Variants in JARID2 observed in about 807,000 individuals in gnomAD.
JARID2 encodes the protein jumonji and AT-rich interaction domain containing 2, also known as protein Jumonji.
A neutral mutation model predicts 125.6 loss-of-function variants in JARID2; 21 were observed. The observed-to-expected ratio is 0.17, with a 90% CI of 0.12 to 0.24. The LOEUF (loss-of-function observed/expected upper bound fraction) is 0.24, where lower values mean the gene tolerates loss of function less well. Among genes scored for constraint, JARID2 ranks in the 10% least tolerant of loss-of-function variants. The pLI, the probability that JARID2 is intolerant of heterozygous loss-of-function variation, is 1.00. For missense variants in JARID2, 1,303 were observed against 1,639.6 expected (o/e 0.79, Z 3.55); for synonymous variants, 736 against 661.6 (o/e 1.11, Z -1.73).
At chr6:15,327,134 T>G (rs1275788103) in intron 1 of JARID2, among the ~76,000 whole-genome samples, 1 of 152,192 alleles carries the variant, frequency 6.6e-6, no homozygotes, top group Non-Finnish European at 1.5e-5. Context: ...CTCCCCTTTC[T>G]CTTACTCTGT....
At chr6:15,495,241 G>T (rs72837824) in intron 6 of JARID2, among the ~76,000 whole-genome samples, 19,114 of 152,212 alleles carry the variant, frequency 0.13, 1,312 homozygotes, top group Non-Finnish European at 0.15. Flanking sequence ...TTTCGCTGAC[G>T]TTTGTGTGTC....
chr6:15,458,229 A>G (rs1440664400), intron 4 of JARID2, among the ~76,000 whole-genome samples: 1 of 152,216 alleles, frequency 6.6e-6, no homozygotes, highest in Non-Finnish European at 1.5e-5. Flanking sequence ...AAAGAGCTTA[A>G]TGTAGCAGAG....
In JARID2 at chr6:15,343,192, G is replaced by T. The variant is rs1470682529; in HGVS notation, c.46-30925G>T. ...TGCAGTGAGCCGAGATCGTGCCATT[G>T]CACTCCAGCCTGGGCGACAAGAACG... On this transcript the variant is annotated intron_variant, in intron 1 of 17. Coordinates refer to ENST00000341776, the MANE Select transcript of JARID2 (RefSeq NM_004973.4). 3.9e-5 allele frequency among the ~76,000 whole-genome samples: 5 copies of T among 127,552 alleles called. No homozygotes were observed. The Admixed American group carries it at 4.1e-4, about 10-fold the overall frequency. 83.7% of individuals were successfully genotyped at this position (127,552 alleles called of 152,430 possible).
chr6:15,305,513 G>C (rs1184649017), intron 1 of JARID2, among the ~76,000 whole-genome samples: 4 of 152,150 alleles, frequency 2.6e-5, no homozygotes, highest in Non-Finnish European at 5.9e-5. Context: ...AGTTAAAATT[G>C]GTTTCATTCT....
chr6:15,496,523 T>C lies in JARID2; in HGVS notation c.1298T>C (p.Leu433Pro), dbSNP rs1770437952. Residue 433 changes from leucine (L) to proline (P), a missense_variant, in exon 7 of 18, where the codon CTG becomes CCG. By Grantham distance (98) the Leu-to-Pro change is moderately conservative. Transcript: ENST00000341776. The stretch of plus-strand genomic sequence containing the variant: ...CGGCAGCTGCGGGAGGGCCTGCAGC[T>C]GCGGGAGGGGCTGCGGAACTCCAAG... Reference protein sequence around the residue: ...GGRQLREGLQLREGLRNSKRR... With the variant: ...GGRQLREGLQPREGLRNSKRR... The C allele has an allele frequency of 6.2e-7, 1 of 1,604,034 alleles. No homozygotes were observed.
intron 3 of JARID2, among the ~76,000 whole-genome samples, chr6:15,450,458 C>CT (rs1460949297): frequency 6.6e-6 from 1 of 152,194 alleles, no homozygotes; most frequent in East Asian, 1.9e-4. Flanking sequence ...GGATGAACCA[C>CT]TGCGCCCGGC....
intron 1 of JARID2, among the ~76,000 whole-genome samples, chr6:15,347,422 C>T (rs1230685923): frequency 6.6e-6 from 1 of 152,164 alleles, no homozygotes; most frequent in Non-Finnish European, 1.5e-5. Context: ...AAGCATTCTT[C>T]TCAGTATTTT....
intron 2 of JARID2, among the ~76,000 whole-genome samples, chr6:15,377,373 T>A (rs1337429794): frequency 6.6e-6 from 1 of 152,090 alleles, no homozygotes; most frequent in African/African-American, 2.4e-5. Context: ...TTCAATTACC[T>A]CCTCCTGGGT....
chr6:15,470,629 G>T (rs762687017), intron 5 of JARID2, among the ~76,000 whole-genome samples: 2 of 152,198 alleles, frequency 1.3e-5, no homozygotes, highest in Non-Finnish European at 2.9e-5. Flanking sequence ...TTAGGTTCTT[G>T]TGGTTTAATT....
At chr6:15,470,175 T>TTA (rs1769004070) in intron 5 of JARID2, among the ~76,000 whole-genome samples, 32 of 60,670 alleles carry the variant, frequency 5.3e-4, no homozygotes, top group Non-Finnish European at 8.9e-4. Context: ...AGACTCTGTC[T>TTA]CAAAAAAAAA....
intron 3 of JARID2, among the ~76,000 whole-genome samples, chr6:15,430,217 T>C (rs1178193932): frequency 1.3e-5 from 2 of 152,258 alleles, no homozygotes; most frequent in Non-Finnish European, 2.9e-5. Flanking sequence ...TGTTTTTTCC[T>C]TAGGTACAAG....
chr6:15,289,847 A>C (rs1761140945), intron 1 of JARID2, among the ~76,000 whole-genome samples: 1 of 152,214 alleles, frequency 6.6e-6, no homozygotes, highest in Admixed American at 6.5e-5. Context: ...CTCTGTCTCA[A>C]AAAAACAAAA....
At chr6:15,495,803 T>C (rs1283205439) in intron 6 of JARID2, among the ~76,000 whole-genome samples, 1 of 152,108 alleles carries the variant, frequency 6.6e-6, no homozygotes, top group Non-Finnish European at 1.5e-5. Flanking sequence ...GAGGTCTTCA[T>C]TGTGAAACAC....
At chr6:15,358,740 A>G (rs1463520841) in intron 1 of JARID2, among the ~76,000 whole-genome samples, 1 of 152,206 alleles carries the variant, frequency 6.6e-6, no homozygotes, top group Non-Finnish European at 1.5e-5. Flanking sequence ...CTTAGTTACA[A>G]AGGTTTCCCT....
In JARID2 at chr6:15,494,513, G is replaced by A. The variant is rs183626561; in HGVS notation, c.907-1619G>A. Among the ~76,000 whole-genome samples the A allele has an allele frequency of 3.9e-3, 568 of 143,874 alleles. 1 individual carries two copies. Among genetic ancestry groups the A allele is most frequent in the Non-Finnish European group, 6.0e-3 (403 of 66,750 alleles). The allele number at this position is 143,874 out of a possible 152,430, so 94.4% of individuals were successfully genotyped here. A position where few individuals can be genotyped will look rare whatever the true frequency, so the allele number is the denominator to read the frequency against. ...AAACTCCACCTCCTGGGTTCACGCC[G>A]TTCTTCTGCCTCAGCCTCCCAAGTA... On this transcript the variant is annotated intron_variant, in intron 6 of 17. Coordinates refer to ENST00000341776, the MANE Select transcript of JARID2 (RefSeq NM_004973.4).
chr6:15,495,077 C>T (rs971746880), intron 6 of JARID2, among the ~76,000 whole-genome samples: 1 of 152,142 alleles, frequency 6.6e-6, no homozygotes, highest in Non-Finnish European at 1.5e-5. Flanking sequence ...AAAAGTAATG[C>T]CCAAGGTGTT....
At chr6:15,482,075 T>C (rs1769646491) in intron 5 of JARID2, among the ~76,000 whole-genome samples, 1 of 152,234 alleles carries the variant, frequency 6.6e-6, no homozygotes, top group African/African-American at 2.4e-5. Flanking sequence ...GGATCTGTTT[T>C]TTTCAGATAA....
chr6:15,275,144 A>T (rs1418735397), intron 1 of JARID2, among the ~76,000 whole-genome samples: 6 of 152,130 alleles, frequency 3.9e-5, no homozygotes, highest in Non-Finnish European at 7.4e-5. Context: ...GAGCTGTTTG[A>T]TCTCTCCTTG....
intron 1 of JARID2, among the ~76,000 whole-genome samples, chr6:15,272,132 C>A (rs9396577): frequency 2.0e-5 from 3 of 152,062 alleles, no homozygotes; most frequent in Non-Finnish European, 4.4e-5. Flanking sequence ...CTCAAAAAAA[C>A]GAAAAAACAG....
Sources: allele counts gnomAD v4.1 joint callset (sites outside exome capture counted in the v4.1 genomes callset), GRCh38; gene constraint gnomAD v4.1.1; transcripts MANE v1.5; gene names NCBI Gene and HGNC (gene_info 2026-07-23, HGNC 2026-07-21).